SELENOF: variants seen among roughly 807,000 people sequenced by gnomAD.
The protein encoded by SELENOF is 15 kDa selenoprotein.
In SELENOF, 16 loss-of-function variants were observed where a neutral mutation model predicts 20.5. That is an observed-to-expected ratio of 0.78 (90% CI 0.53 to 1.19). The LOEUF is 1.19. SELENOF is among the 50% of genes most tolerant of loss of function. The pLI, the probability that SELENOF is intolerant of heterozygous loss-of-function variation, is 0.00. For synonymous variants in SELENOF, 78 were observed against 74.5 expected, an observed-to-expected ratio of 1.05 and a Z score of -0.24; for missense variants, 215 against 194.2, an observed-to-expected ratio of 1.11 and a Z score of -0.64.
At chr1:86,893,671 A>G (rs1659446692) in intron 2 of SELENOF, among the ~76,000 whole-genome samples, 1 of 152,146 alleles carries the variant, frequency 6.6e-6, no homozygotes, top group African/African-American at 2.4e-5. Flanking sequence ...TCTCTCAACA[A>G]TTCTTATAAA....
At chr1:86,880,019 T>G (rs574570530) in intron 3 of SELENOF, among the ~76,000 whole-genome samples, 6 of 147,500 alleles carry the variant, frequency 4.1e-5, no homozygotes, top group African/African-American at 1.6e-4. Flanking sequence ...AGCGGTGTGC[T>G]ACTTAAAGAA....
chr1:86,892,658 AAAC>A (rs1326654213), intron 2 of SELENOF, among the ~76,000 whole-genome samples: 2 of 152,212 alleles, frequency 1.3e-5, no homozygotes, highest in Non-Finnish European at 2.9e-5. Flanking sequence ...CGCAAATTGA[AAAC>A]AACTAAATGT....
intron 1 of SELENOF, among the ~76,000 whole-genome samples, chr1:86,903,859 C>T (rs1371212750): frequency 6.6e-6 from 1 of 152,184 alleles, no homozygotes; most frequent in African/African-American, 2.4e-5. Flanking sequence ...GGATTACAGG[C>T]ATGAGCCACC....
chr1:86,886,056 C>T (rs1212160261), intron 2 of SELENOF, among the ~76,000 whole-genome samples: 1 of 152,060 alleles, frequency 6.6e-6, no homozygotes, highest in Admixed American at 6.6e-5. Context: ...ACTCATTGTT[C>T]GTCTGTAATG....
chr1:86,900,369 C>T (rs1659662558), intron 2 of SELENOF, among the ~76,000 whole-genome samples: 1 of 152,154 alleles, frequency 6.6e-6, no homozygotes, highest in East Asian at 1.9e-4. Flanking sequence ...GCGGATCACT[C>T]GCGGTTAGGA....
At chr1:86,907,923 T>C (rs1049202435) in intron 1 of SELENOF, among the ~76,000 whole-genome samples, 4 of 151,816 alleles carry the variant, frequency 2.6e-5, no homozygotes, top group African/African-American at 4.8e-5. Context: ...GAGGCGGAGA[T>C]TGCAGTAAGC....
intron 2 of SELENOF, among the ~76,000 whole-genome samples, chr1:86,902,465 G>A (rs1215516791): frequency 6.6e-6 from 1 of 152,084 alleles, no homozygotes; most frequent in Non-Finnish European, 1.5e-5. Context: ...ACATCATTAT[G>A]CCTGAAAGCT....
At chr1:86,891,132 C>T (rs1659373523) in intron 2 of SELENOF, among the ~76,000 whole-genome samples, 1 of 151,410 alleles carries the variant, frequency 6.6e-6, no homozygotes, top group South Asian at 2.1e-4. Context: ...TCACTGCAAC[C>T]TCTACCCCCT....
chr1:86,872,399 G>A (rs934169332), intron 3 of SELENOF, among the ~76,000 whole-genome samples: 1 of 151,876 alleles, frequency 6.6e-6, no homozygotes, highest in Admixed American at 6.6e-5. Context: ...GCATAGTTTC[G>A]CTCTTGTTGC....
intron 3 of SELENOF, among the ~76,000 whole-genome samples, chr1:86,876,184 G>A: frequency 6.6e-6 from 1 of 151,880 alleles, no homozygotes; most frequent in South Asian, 2.1e-4. Flanking sequence ...ACAGAAAAGA[G>A]AAAGGGACTA....
At chr1:86,883,063 T>G (rs945707420) in intron 2 of SELENOF, among the ~76,000 whole-genome samples, 4 of 151,326 alleles carry the variant, frequency 2.6e-5, no homozygotes, top group East Asian at 1.9e-4. Context: ...GAAGCAGAGG[T>G]TGCAGTGAGC....
intron 1 of SELENOF, among the ~76,000 whole-genome samples, chr1:86,911,628 T>A (rs983459127): frequency 3.3e-5 from 5 of 152,166 alleles, no homozygotes; most frequent in African/African-American, 1.2e-4. Context: ...GGGAGACTAG[T>A]TAAGGAAGCT....
intron 2 of SELENOF, among the ~76,000 whole-genome samples, chr1:86,889,101 A>G (rs932368465): frequency 6.6e-6 from 1 of 152,194 alleles, no homozygotes; most frequent in Non-Finnish European, 1.5e-5. Flanking sequence ...AAGAGTTTCA[A>G]TATTATACAA....
intron 2 of SELENOF, among the ~76,000 whole-genome samples, chr1:86,886,028 G>T (rs142196600): frequency 3.4e-4 from 51 of 152,162 alleles, no homozygotes; most frequent in Middle Eastern, 3.4e-3. Flanking sequence ...TTCAGTTCAG[G>T]GACTATTCAG....
At chr1:86,873,180 C>T (rs1266244870) in intron 3 of SELENOF, among the ~76,000 whole-genome samples, 2 of 151,662 alleles carry the variant, frequency 1.3e-5, no homozygotes, top group Non-Finnish European at 2.9e-5. Context: ...TTGTTTGAAC[C>T]TGGGAGGCAG....
chr1:86,868,036 C>G lies in SELENOF; in HGVS notation c.366+17G>C. Reference sequence around the variant, plus strand: ...ATTAAGGCTGGAAAAAAGAGATCTCCACTACAATCACCTTACCTTGATTTG... The same window carrying G: ...ATTAAGGCTGGAAAAAAGAGATCTCGACTACAATCACCTTACCTTGATTTG... On this transcript the variant is annotated intron_variant, in intron 4 of 4. Transcript: ENST00000331835. 1 of 1,274,462 alleles carries G rather than the reference C, an allele frequency of 7.8e-7. No individual in the cohort carries two copies. The highest frequency in any genetic ancestry group is 1.7e-5 in the South Asian group (1 of 60,006). The allele number at this position is 1,274,462 out of a possible 1,614,324, so 78.9% of individuals were successfully genotyped here. A position where few individuals can be genotyped will look rare whatever the true frequency, so the allele number is the denominator to read the frequency against.
At chr1:86,895,092 T>C (rs1349205873) in intron 2 of SELENOF, among the ~76,000 whole-genome samples, 3 of 152,222 alleles carry the variant, frequency 2.0e-5, no homozygotes, top group Non-Finnish European at 4.4e-5. Flanking sequence ...ACATAATTTA[T>C]TTCTGTATTA....
intron 1 of SELENOF, among the ~76,000 whole-genome samples, chr1:86,908,029 T>C (rs1166063766): frequency 3.3e-5 from 5 of 151,992 alleles, no homozygotes; most frequent in African/African-American, 9.7e-5. Context: ...TATTCCCTCC[T>C]TCTCCATGCA....
At chr1:86,870,765 C>T (rs2102072899) in intron 3 of SELENOF, among the ~76,000 whole-genome samples, 1 of 152,276 alleles carries the variant, frequency 6.6e-6, no homozygotes, top group South Asian at 2.1e-4. Context: ...ACTACAGGCA[C>T]CCGCCACCAC....
Sources: allele counts gnomAD v4.1 joint callset (sites outside exome capture counted in the v4.1 genomes callset), GRCh38; gene constraint gnomAD v4.1.1; transcripts MANE v1.5; gene names NCBI Gene and HGNC (gene_info 2026-07-23, HGNC 2026-07-21).